LRRTM4: variants seen among roughly 807,000 people sequenced by gnomAD.
LRRTM4 encodes leucine rich repeat transmembrane neuronal 4, also known as leucine-rich repeat transmembrane neuronal protein 4.
A neutral mutation model predicts 47.6 loss-of-function variants in LRRTM4; 25 were observed. The observed-to-expected ratio is 0.53, with a 90% CI of 0.38 to 0.73. The LOEUF (loss-of-function observed/expected upper bound fraction) is 0.73. Ranked by LOEUF, LRRTM4 falls within the 30% of genes least tolerant of loss-of-function variation. The pLI is 0.00. For synonymous variants in LRRTM4, 311 were observed against 269.5 expected, an observed-to-expected ratio of 1.15 and a Z score of -1.51; for missense variants, 638 against 713.4, an observed-to-expected ratio of 0.89 and a Z score of 1.20.
chr2:77,068,154 T>C (rs921500300), intron 3 of LRRTM4, among the ~76,000 whole-genome samples: 7 of 152,190 alleles, frequency 4.6e-5, no homozygotes, highest in African/African-American at 1.7e-4. Context: ...TAATCTATTA[T>C]GGAAATAAGA....
chr2:77,423,117 T>C lies in LRRTM4; in HGVS notation c.1551+95201A>G, dbSNP rs184268582. On this transcript the variant is annotated intron_variant, in intron 3 of 3. Transcript: ENST00000409884. Reference sequence around the variant, plus strand: ...AAAAATTTTTTAGCACTATTCATTTTAAGAGTTGCTTTATTGCTAGATAAT... The same window carrying C: ...AAAAATTTTTTAGCACTATTCATTTCAAGAGTTGCTTTATTGCTAGATAAT... Among the ~76,000 whole-genome samples, 63 of 152,282 alleles carry C rather than the reference T, an allele frequency of 4.1e-4. 1 individual carries two copies. In the East Asian group the frequency reaches 8.1e-3, roughly 20 times the overall value.
chr2:76,883,217 T>TTCGGTG (rs1672979570), intron 3 of LRRTM4, among the ~76,000 whole-genome samples: 4 of 152,320 alleles, frequency 2.6e-5, no homozygotes, highest in African/African-American at 9.6e-5. Flanking sequence ...CTCTTTCCTC[T>TTCGGTG]TCGGTGACAA....
chr2:77,330,741 CTT>C (rs1230944305), intron 3 of LRRTM4, among the ~76,000 whole-genome samples: 1 of 151,884 alleles, frequency 6.6e-6, no homozygotes, highest in Non-Finnish European at 1.5e-5. Flanking sequence ...TTATACTCAT[CTT>C]TTTTGTTGAC....
intron 3 of LRRTM4, among the ~76,000 whole-genome samples, chr2:77,300,370 C>G (rs1677102680): frequency 6.6e-6 from 1 of 152,034 alleles, no homozygotes; most frequent in African/African-American, 2.4e-5. Flanking sequence ...TGGTCAGAGT[C>G]CTCAAAGAAG....
intron 3 of LRRTM4, among the ~76,000 whole-genome samples, chr2:77,100,405 G>A (rs1332324106): frequency 6.6e-6 from 1 of 152,074 alleles, no homozygotes; most frequent in African/African-American, 2.4e-5. Context: ...TTCAACGATG[G>A]AGCGCATTGC....
intron 3 of LRRTM4, among the ~76,000 whole-genome samples, chr2:77,415,898 A>T (rs959223726): frequency 2.0e-5 from 3 of 152,150 alleles, no homozygotes; most frequent in African/African-American, 7.2e-5. Context: ...TAAAACACAA[A>T]TGATTGTCAT....
intron 3 of LRRTM4, among the ~76,000 whole-genome samples, chr2:76,954,528 G>A (rs1675605977): frequency 6.6e-6 from 1 of 151,580 alleles, no homozygotes; most frequent in Admixed American, 6.6e-5. Context: ...ATGGAAAAGA[G>A]GGATGAAAGC....
chr2:77,115,411 G>T (rs973200327), intron 3 of LRRTM4, among the ~76,000 whole-genome samples: 1 of 152,128 alleles, frequency 6.6e-6, no homozygotes, highest in Admixed American at 6.6e-5. Context: ...TGCAATAGTG[G>T]TCCTGAGGTG....
chr2:77,353,200 G>A (rs1362206453), intron 3 of LRRTM4, among the ~76,000 whole-genome samples: 1 of 152,086 alleles, frequency 6.6e-6, no homozygotes, highest in Non-Finnish European at 1.5e-5. Flanking sequence ...TATTTTTTCA[G>A]TTAATAGGTG....
At chr2:76,869,652 G>T (rs1467021073) in intron 3 of LRRTM4, among the ~76,000 whole-genome samples, 4 of 152,138 alleles carry the variant, frequency 2.6e-5, no homozygotes, top group Non-Finnish European at 5.9e-5. Flanking sequence ...TATGTGTGAT[G>T]TAAGTTAACC....
At chr2:76,977,963 C>T (rs1217558305) in intron 3 of LRRTM4, among the ~76,000 whole-genome samples, 1 of 151,932 alleles carries the variant, frequency 6.6e-6, no homozygotes, top group Non-Finnish European at 1.5e-5. Flanking sequence ...ACATAAATGG[C>T]TTTGATAGCA....
At chr2:76,918,732 C>G (rs1433848423) in intron 3 of LRRTM4, among the ~76,000 whole-genome samples, 1 of 152,086 alleles carries the variant, frequency 6.6e-6, no homozygotes, top group Non-Finnish European at 1.5e-5. Context: ...CTGCCACATT[C>G]TCAATTTAGC....
At chr2:77,451,646 GAAC>G (rs1435485722) in intron 3 of LRRTM4, among the ~76,000 whole-genome samples, 2 of 152,116 alleles carry the variant, frequency 1.3e-5, no homozygotes, top group African/African-American at 2.4e-5. Flanking sequence ...ATATGTCAAT[GAAC>G]AAGATACTCT....
chr2:77,449,151 A>C (rs1328352882), intron 3 of LRRTM4, among the ~76,000 whole-genome samples: 3 of 152,204 alleles, frequency 2.0e-5, no homozygotes, highest in African/African-American at 4.8e-5. Flanking sequence ...CTAAAATCTT[A>C]AGGAATCTGA....
chr2:77,316,501 T>C (rs1460124883), intron 3 of LRRTM4, among the ~76,000 whole-genome samples: 1 of 152,050 alleles, frequency 6.6e-6, no homozygotes, highest in East Asian at 1.9e-4. Context: ...TGGCAAAACA[T>C]ATACTCCTAT....
At chr2:77,468,333 C>A (rs1250124519) in intron 3 of LRRTM4, among the ~76,000 whole-genome samples, 1 of 152,014 alleles carries the variant, frequency 6.6e-6, no homozygotes, top group East Asian at 1.9e-4. Flanking sequence ...TTTGGGGAAG[C>A]ATGTGAACTA....
chr2:77,140,025 A>C (rs10183120), intron 3 of LRRTM4, among the ~76,000 whole-genome samples: 22 of 152,172 alleles, frequency 1.4e-4, no homozygotes, highest in Non-Finnish European at 2.9e-4. Context: ...CAAAGAATCA[A>C]TATCCTGAAA....
chr2:77,345,954 G>A (rs1277896699), intron 3 of LRRTM4, among the ~76,000 whole-genome samples: 2 of 151,600 alleles, frequency 1.3e-5, no homozygotes, highest in Non-Finnish European at 2.9e-5. Context: ...ATTGAAAACA[G>A]TCCAAATACC....
intron 3 of LRRTM4, among the ~76,000 whole-genome samples, chr2:77,405,534 T>C (rs1674150219): frequency 6.6e-6 from 1 of 152,114 alleles, no homozygotes; most frequent in Admixed American, 6.6e-5. Flanking sequence ...CCAATGTCAC[T>C]TCCTGCATTT....
Sources: allele counts gnomAD v4.1 joint callset (sites outside exome capture counted in the v4.1 genomes callset), GRCh38; gene constraint gnomAD v4.1.1; transcripts MANE v1.5; gene names NCBI Gene and HGNC (gene_info 2026-07-23, HGNC 2026-07-21).